FAM186B: variants seen among roughly 807,000 people sequenced by gnomAD.
The protein encoded by FAM186B is family with sequence similarity 186 member B, also known as protein FAM186B.
In FAM186B, 68 loss-of-function variants were observed where a neutral mutation model predicts 83.4. That is an observed-to-expected ratio of 0.81 (90% CI 0.67 to 1.00). The LOEUF (loss-of-function observed/expected upper bound fraction) is 1.00. Among genes scored for constraint, FAM186B ranks in the 50% least tolerant of loss-of-function variants. The pLI is 0.00. For synonymous variants in FAM186B, 389 were observed against 422.0 expected (o/e 0.92, Z 0.96); for missense variants, 983 against 1,099.2 (o/e 0.89, Z 1.49).
intron 5 of FAM186B, chr12:49,595,612 T>C (rs1275472655): frequency 1.2e-5 from 5 of 413,476 alleles, no homozygotes; most frequent in Non-Finnish European, 2.4e-5. Flanking sequence ...AGCTTTGAGT[T>C]TGTGATTACA....
At chr12:49,605,829 G>A (rs762811889), upstream of FAM186B, among the ~76,000 whole-genome samples, 2 of 144,722 alleles carry the variant, frequency 1.4e-5, no homozygotes, top group African/African-American at 2.6e-5. Context: ...GTGTGATCTC[G>A]GTCACTGCAA....
At chr12:49,613,499 C>G in the FAM186B span, among the ~76,000 whole-genome samples, 1 of 150,026 alleles carries the variant, frequency 6.7e-6, no homozygotes, top group Non-Finnish European at 1.5e-5. Flanking sequence ...TGCACTCCAG[C>G]CTGGGCGACA....
the FAM186B span, among the ~76,000 whole-genome samples, chr12:49,615,558 AG>A: frequency 6.6e-6 from 1 of 152,210 alleles, no homozygotes; most frequent in African/African-American, 2.4e-5. Flanking sequence ...TGGGAGGCTG[AG>A]GTGGGTGGAT....
intron 5 of FAM186B, among the ~76,000 whole-genome samples, chr12:49,596,979 CATAAG>C (rs1346974327): frequency 6.6e-6 from 1 of 152,190 alleles, no homozygotes. Flanking sequence ...ACCGTGGTCT[CATAAG>C]ATTATAATAC....
chr12:49,591,768 A>T lies in FAM186B; in HGVS notation c.2365-3145T>A, dbSNP rs975493713. Among the ~76,000 whole-genome samples the T allele has an allele frequency of 2.6e-5, 4 of 152,318 alleles. 1 individual carries two copies. The highest frequency in any genetic ancestry group is 9.6e-5 in the African/African-American group (4 of 41,584). On this transcript the variant is annotated intron_variant, in intron 5 of 6. Coordinates refer to ENST00000257894, the MANE Select transcript of FAM186B (RefSeq NM_032130.3). Reference sequence around the variant, plus strand: ...GGCACCAAAATTTGTGGATGCTCACATGCTTATATAAAATGGTGCAGTGTT... The same window carrying T: ...GGCACCAAAATTTGTGGATGCTCACTTGCTTATATAAAATGGTGCAGTGTT...
the FAM186B span, among the ~76,000 whole-genome samples, chr12:49,615,749 A>C: frequency 6.6e-6 from 1 of 152,136 alleles, no homozygotes; most frequent in African/African-American, 2.4e-5. Context: ...TGATCGTGCC[A>C]CTGCACTCCA....
chr12:49,608,528 CA>C (rs1940056595), upstream of FAM186B, among the ~76,000 whole-genome samples: 1 of 149,794 alleles, frequency 6.7e-6, no homozygotes, highest in Non-Finnish European at 1.5e-5. Context: ...TTTTTTTCCC[CA>C]AGATGGCAGA....
At chr12:49,621,818 C>T in the FAM186B span, among the ~76,000 whole-genome samples, 1 of 152,032 alleles carries the variant, frequency 6.6e-6, no homozygotes, top group South Asian at 2.1e-4. Flanking sequence ...CCCCTTGGAC[C>T]CCTTGCCCTG....
chr12:49,620,864 A>G, the FAM186B span, among the ~76,000 whole-genome samples: 1 of 152,210 alleles, frequency 6.6e-6, no homozygotes, highest in Non-Finnish European at 1.5e-5. Flanking sequence ...CATATTACCT[A>G]TAATGGAATT....
At chr12:49,595,375 G>T in intron 5 of FAM186B, 1 of 553,014 alleles carries the variant, frequency 1.8e-6, no homozygotes, top group Non-Finnish European at 3.6e-6. Flanking sequence ...ACCTGAGTCT[G>T]CTTCTGTGAA....
downstream of FAM186B, chr12:49,587,412 G>A: frequency 1.5e-6 from 1 of 675,004 alleles, no homozygotes. Context: ...GAACCGAAGT[G>A]CTGTTGGCAT....
At chr12:49,605,249 T>C in intron 1 of FAM186B, 133 bp downstream of exon 1, 4 of 1,518,704 alleles carry the variant, frequency 2.6e-6, no homozygotes, top group Non-Finnish European at 3.5e-6. Flanking sequence ...CTAATCTGTC[T>C]GCAGACCCAG....
chr12:49,583,237 AAT>A (rs1395498725), downstream of FAM186B: 8 of 354,514 alleles, frequency 2.3e-5, no homozygotes, highest in African/African-American at 6.4e-5. Context: ...TAATATTCAA[AAT>A]AGTCTCATTA....
upstream of FAM186B, chr12:49,605,695 A>C: frequency 1.1e-5 from 5 of 449,828 alleles, no homozygotes; most frequent in South Asian, 3.8e-5. Flanking sequence ...AGGAGATGAG[A>C]CTCCCCACTA....
chr12:49,610,954 A>C, the FAM186B span, among the ~76,000 whole-genome samples: 5 of 152,182 alleles, frequency 3.3e-5, no homozygotes, highest in Non-Finnish European at 5.9e-5. Flanking sequence ...TTTAAAAATG[A>C]ACAAGGCCAG....
intron 5 of FAM186B, among the ~76,000 whole-genome samples, chr12:49,596,338 A>AAG (rs1048276613): frequency 2.0e-5 from 3 of 151,654 alleles, no homozygotes; most frequent in African/African-American, 7.3e-5. Context: ...AAAAAAAAAA[A>AAG]AAAAAAGCAG....
chr12:49,602,820 C>G (rs927777251), intron 3 of FAM186B, among the ~76,000 whole-genome samples: 1 of 152,238 alleles, frequency 6.6e-6, no homozygotes, highest in African/African-American at 2.4e-5. Flanking sequence ...GCCTCCCCAA[C>G]CTTCCTAGCT....
At position 49,600,909 on chromosome 12, in the gene FAM186B, T is replaced by C. The variant is rs555433657; in HGVS notation, c.731A>G (p.Asn244Ser). ...CTTGTGTTGGAGGATCAAGGCCTTGTTGAGGTTCTCCACCACAGTGGCCAT... is the reference window on the plus strand; with the variant it reads ...CTTGTGTTGGAGGATCAAGGCCTTGCTGAGGTTCTCCACCACAGTGGCCAT... ...RYMATVVENLNKALILQHKEN... is the reference protein window; with the variant it reads ...RYMATVVENLSKALILQHKEN... Residue 244 changes from asparagine to serine, a missense_variant, in exon 4 of 7, where the codon AAC becomes AGC. Coordinates refer to ENST00000257894, the MANE Select transcript of FAM186B (RefSeq NM_032130.3). The surrounding 1 kb of genome is among the most constrained non-coding windows in gnomAD (Gnocchi z 4.3). The C allele has an allele frequency of 5.6e-5, 91 of 1,614,190 alleles. No homozygotes were observed. The highest frequency in any genetic ancestry group is 8.3e-5 in the Admixed American group (5 of 60,024).
the FAM186B span, among the ~76,000 whole-genome samples, chr12:49,612,525 T>C: frequency 6.6e-6 from 1 of 151,542 alleles, no homozygotes; most frequent in Non-Finnish European, 1.5e-5. Context: ...TATGAGGTTT[T>C]TTTATGTGTG....
Sources: gnomAD v4.1 joint callset for allele counts (sites outside exome capture counted in the v4.1 genomes callset) on GRCh38, gnomAD v4.1.1 for gene constraint, Gnocchi (gnomAD v3.1) non-coding constraint, MANE v1.5 for transcripts, NCBI Gene and HGNC (gene_info 2026-07-23, HGNC 2026-07-21) for gene names.